MARCHF10: variants seen among roughly 807,000 people sequenced by gnomAD.
The protein encoded by MARCHF10 is probable E3 ubiquitin-protein ligase MARCHF10.
MARCHF10 carries 64 observed loss-of-function variants against 76.2 expected under a neutral mutation model. That is an observed-to-expected ratio of 0.84 (90% CI 0.69 to 1.03). The LOEUF is 1.03. Ranked by LOEUF, MARCHF10 falls within the 50% of genes least tolerant of loss-of-function variation. The pLI is 0.00. For missense variants in MARCHF10, 875 were observed against 958.0 expected (o/e 0.91, Z 1.14); for synonymous variants, 340 against 357.5 (o/e 0.95, Z 0.55).
At chr17:62,785,623 C>T (rs1234106654) in intron 3 of MARCHF10, among the ~76,000 whole-genome samples, 1 of 152,120 alleles carries the variant, frequency 6.6e-6, no homozygotes, top group Non-Finnish European at 1.5e-5. Flanking sequence ...TTGCAATCTA[C>T]CCATCTGACA....
At chr17:62,760,100 C>T in intron 3 of MARCHF10, 94 bp from the exon 4 acceptor site, 1 of 1,021,384 alleles carries the variant, frequency 9.8e-7, no homozygotes, top group South Asian at 1.5e-5. Flanking sequence ...CAGTGACCCT[C>T]TCCAGCAATA....
intron 10 of MARCHF10, among the ~76,000 whole-genome samples, 154 bp from the exon 11 acceptor site, chr17:62,701,912 A>G (rs538798176): frequency 1.3e-5 from 2 of 152,318 alleles, no homozygotes; most frequent in East Asian, 3.9e-4. Flanking sequence ...TGGGGAACAG[A>G]GACCTGCAGT....
intron 8 of MARCHF10, among the ~76,000 whole-genome samples, chr17:62,713,634 C>A (rs1362972267): frequency 2.0e-5 from 3 of 152,236 alleles, no homozygotes; most frequent in African/African-American, 7.2e-5. Context: ...TCCTGAGCTA[C>A]AAGTGGGAGG....
chr17:62,795,499 T>C (rs1430541170), intron 2 of MARCHF10, among the ~76,000 whole-genome samples: 2 of 152,176 alleles, frequency 1.3e-5, no homozygotes, highest in Non-Finnish European at 2.9e-5. Flanking sequence ...AATAGATGTT[T>C]ATTTCCTCTT....
At chr17:62,724,239 A>G (rs1157648010) in intron 7 of MARCHF10, among the ~76,000 whole-genome samples, 1 of 151,076 alleles carries the variant, frequency 6.6e-6, no homozygotes, top group Non-Finnish European at 1.5e-5. Context: ...CCATGCTTTA[A>G]AGAAACCTTC....
At chr17:62,802,323 G>A (rs1204353834) in intron 1 of MARCHF10, among the ~76,000 whole-genome samples, 2 of 152,124 alleles carry the variant, frequency 1.3e-5, no homozygotes, top group South Asian at 2.1e-4. Flanking sequence ...GGGTTCAAGC[G>A]ATTCTCTTGC....
chr17:62,713,532 G>A (rs1025215142), intron 8 of MARCHF10, among the ~76,000 whole-genome samples: 3 of 152,160 alleles, frequency 2.0e-5, no homozygotes, highest in Non-Finnish European at 2.9e-5. Context: ...CTTTATGTGC[G>A]CCCTTTGCAG....
At chr17:62,762,615 C>A (rs1274491558) in intron 3 of MARCHF10, among the ~76,000 whole-genome samples, 1 of 152,158 alleles carries the variant, frequency 6.6e-6, no homozygotes, top group Non-Finnish European at 1.5e-5. Context: ...AGCGCGATCT[C>A]GGTTCACTGC....
intron 9 of MARCHF10, among the ~76,000 whole-genome samples, chr17:62,710,637 C>A (rs2089878415): frequency 6.9e-6 from 1 of 144,124 alleles, no homozygotes; most frequent in Non-Finnish European, 1.5e-5. Flanking sequence ...CAGCTCATTG[C>A]AACCTCTGTC....
chr17:62,738,629 G>A lies in MARCHF10; in HGVS notation c.536-1297C>T, dbSNP rs142546486. Among the ~76,000 whole-genome samples the A allele has an allele frequency of 1.8e-3, 276 of 152,168 alleles. 3 individuals are homozygous for A. Among genetic ancestry groups the A allele is most frequent in the African/African-American group, 6.1e-3 (254 of 41,492 alleles). ...GTGAAATGCAAATCCTCAGAGCATC[G>A]GGCACCACCAAGGGCCAAGTCAATT... On this transcript the variant is annotated intron_variant, in intron 5 of 10. Coordinates refer to ENST00000311269, the MANE Select transcript of MARCHF10 (RefSeq NM_152598.4). This position sits in a 1 kb window ranked among gnomAD's most constrained non-coding sequence, Gnocchi z 4.0.
At position 62,759,816 on chromosome 17, in the gene MARCHF10, C is replaced by A. The variant is rs1282668147; in HGVS notation, c.382+19G>T. The A allele has an allele frequency of 6.2e-7, 1 of 1,607,954 alleles. No individual in the cohort carries two copies. The highest frequency in any genetic ancestry group is 1.3e-5 in the African/African-American group (1 of 74,506). On this transcript the variant is annotated intron_variant, in intron 4 of 10. Transcript: ENST00000311269. ...CCGGGATTTTAGATCTGATGAATTT[C>A]AATAAGCCAGCCACTCACCTGGAGA...
intron 7 of MARCHF10, 56 bp from the exon 8 acceptor site, chr17:62,722,653 C>G: frequency 7.0e-7 from 1 of 1,426,220 alleles, no homozygotes; most frequent in Non-Finnish European, 9.7e-7. Flanking sequence ...TTTGTGTTAG[C>G]ACTTTGGACA....
At chr17:62,800,073 T>C (rs2148203932) in intron 2 of MARCHF10, among the ~76,000 whole-genome samples, 1 of 152,334 alleles carries the variant, frequency 6.6e-6, no homozygotes, top group South Asian at 2.1e-4. Flanking sequence ...GAAACTACCT[T>C]ACACATTTCT....
intron 8 of MARCHF10, among the ~76,000 whole-genome samples, chr17:62,716,737 TTCACTAG>T (rs1284578298): frequency 6.6e-6 from 1 of 151,926 alleles, no homozygotes; most frequent in African/African-American, 2.4e-5. Flanking sequence ...AGAAAAACAG[TTCACTAG>T]TCAGTTAGTT....
chr17:62,802,577 G>A (rs377330372), intron 1 of MARCHF10, among the ~76,000 whole-genome samples: 1 of 152,168 alleles, frequency 6.6e-6, no homozygotes, highest in African/African-American at 2.4e-5. Flanking sequence ...TCCTAACTAT[G>A]ATAGGCCCTC....
In MARCHF10 at chr17:62,736,754, T is replaced by C; in HGVS notation, c.1114A>G (p.Arg372Gly). 6.2e-7 allele frequency: 1 copy of C among 1,614,210 alleles called. No homozygotes were observed. Among genetic ancestry groups the C allele is most frequent in the Non-Finnish European group, 8.5e-7 (1 of 1,180,044 alleles). ...GGCAGCCCGGGGTCTTGGGACAACCTTTGCCCAGCAGAAGGCCGCTCTGTT... is the reference window on the plus strand; with the variant it reads ...GGCAGCCCGGGGTCTTGGGACAACCCTTGCCCAGCAGAAGGCCGCTCTGTT... ...PATERPSAGQ[R>G]LSQDPGLPDR... The change falls in exon 6 of 11, where the codon AGG becomes GGG. Residue 372 changes from arginine (R) to glycine (G), a missense_variant. Coordinates refer to ENST00000311269, the MANE Select transcript of MARCHF10 (RefSeq NM_152598.4).
intron 3 of MARCHF10, among the ~76,000 whole-genome samples, chr17:62,775,531 T>C (rs2092537349): frequency 6.6e-6 from 1 of 151,850 alleles, no homozygotes; most frequent in African/African-American, 2.4e-5. Flanking sequence ...GCTTATTAAT[T>C]ACCATCCCCA....
At chr17:62,741,489 A>G (rs1011735451) in intron 5 of MARCHF10, among the ~76,000 whole-genome samples, 1 of 152,222 alleles carries the variant, frequency 6.6e-6, no homozygotes, top group Non-Finnish European at 1.5e-5. Context: ...TGTCAGTAGC[A>G]TAGACACAAC....
chr17:62,728,135 C>T (rs1225516828), intron 6 of MARCHF10, among the ~76,000 whole-genome samples: 1 of 152,214 alleles, frequency 6.6e-6, no homozygotes, highest in Non-Finnish European at 1.5e-5. Context: ...GCTGATCCTC[C>T]CACTCCAGCC....
Sources: allele counts gnomAD v4.1 joint callset (sites outside exome capture counted in the v4.1 genomes callset), GRCh38; gene constraint gnomAD v4.1.1; non-coding constraint Gnocchi (gnomAD v3.1); transcripts MANE v1.5; gene names NCBI Gene and HGNC (gene_info 2026-07-23, HGNC 2026-07-21).